The following RPL35A variants were observed in gnomAD, a reference collection of about 807,000 sequenced individuals.
RPL35A encodes large ribosomal subunit protein eL33.
In RPL35A, 1 loss-of-function variant was observed where a neutral mutation model predicts 16.7. The ratio of observed to expected loss-of-function variants is 0.06; its 90% CI spans 0.02 to 0.28. The LOEUF (loss-of-function observed/expected upper bound fraction) is 0.28. Ranked by LOEUF, RPL35A falls within the 10% of genes least tolerant of loss-of-function variation. RPL35A has a pLI of 1.00. For missense variants in RPL35A, 91 were observed against 138.7 expected, an observed-to-expected ratio of 0.66 and a Z score of 1.73; for synonymous variants, 58 against 47.0, an observed-to-expected ratio of 1.23 and a Z score of -0.96.
intron 4 of RPL35A, chr3:197,954,437 A>T (rs916724214): frequency 2.0e-5 from 9 of 445,006 alleles, no homozygotes; most frequent in Admixed American, 7.0e-5. Flanking sequence ...GGGTTCAAGC[A>T]ATCCTTCCAC....
In RPL35A at chr3:197,950,941, C is replaced by T. The variant is rs753053843; in HGVS notation, c.-27C>T. The T allele has an allele frequency of 5.6e-6, 9 of 1,613,892 alleles. No homozygotes were observed. Among genetic ancestry groups the T allele is most frequent in the African/African-American group, 4.0e-5 (3 of 74,908 alleles). On this transcript the variant is annotated 5_prime_UTR_variant, in exon 2 of 5. Coordinates refer to ENST00000647248, the MANE Select transcript of RPL35A (RefSeq NM_000996.4). ...ATCTTTTTGTTTGTTTTAAGGCCTG[C>T]TGGGAACGGGACTTCTAAAAGGAAC...
chr3:197,954,462 T>C (rs1470360972), intron 4 of RPL35A: 1 of 411,570 alleles, frequency 2.4e-6, no homozygotes, highest in Admixed American at 3.7e-5. Flanking sequence ...GCCCCCCAAG[T>C]AGCTGGGACC....
chr3:197,952,121 A>G (rs1270503455), intron 3 of RPL35A, among the ~76,000 whole-genome samples: 1 of 146,676 alleles, frequency 6.8e-6, no homozygotes, highest in African/African-American at 2.5e-5. Context: ...TTTTTAGAAC[A>G]CTTGTGCTTA....
intron 4 of RPL35A, among the ~76,000 whole-genome samples, chr3:197,955,481 C>G (rs1009727435): frequency 2.6e-5 from 4 of 152,054 alleles, no homozygotes; most frequent in African/African-American, 9.7e-5. Flanking sequence ...CCAGGATGGT[C>G]TCTATCTCTT....
intron 3 of RPL35A, 169 bp from the exon 4 acceptor site, chr3:197,953,834 A>T: frequency 1.4e-6 from 1 of 694,342 alleles, no homozygotes; most frequent in South Asian, 1.7e-5. Context: ...CCTGGCATAC[A>T]ATAGTTACTC....
intron 4 of RPL35A, chr3:197,954,387 G>A: frequency 1.8e-6 from 1 of 555,460 alleles, no homozygotes. Flanking sequence ...AGGCTGGGGT[G>A]CAGTGGCATA....
At chr3:197,955,709 A>T (rs934787448) in intron 4 of RPL35A, 41 bp from the exon 5 acceptor site, 10 of 1,528,072 alleles carry the variant, frequency 6.5e-6, no homozygotes, top group Non-Finnish European at 9.1e-6. Context: ...AGACGTATAT[A>T]TAACATTCAC....
intron 3 of RPL35A, chr3:197,953,564 G>A (rs985425719): frequency 2.2e-6 from 1 of 457,356 alleles, no homozygotes; most frequent in African/African-American, 2.0e-5. Context: ...GCCTGCGCTA[G>A]TCATCCCGTG....
chr3:197,954,550 C>T (rs766833239), intron 4 of RPL35A: 11 of 319,866 alleles, frequency 3.4e-5, no homozygotes, highest in African/African-American at 8.7e-5. Flanking sequence ...CACTTTGTCA[C>T]GCAGGCTGGA....
At chr3:197,950,703 T>C in intron 1 of RPL35A, 2 of 567,954 alleles carry the variant, frequency 3.5e-6, no homozygotes, top group Non-Finnish European at 6.2e-6. Flanking sequence ...TTGTGACTCC[T>C]GTCCCTTAGT....
intron 4 of RPL35A, among the ~76,000 whole-genome samples, chr3:197,954,983 C>T (rs1720416729): frequency 2.0e-5 from 3 of 152,292 alleles, no homozygotes; most frequent in Admixed American, 2.0e-4. Context: ...AACAGACTCT[C>T]ATGTTCCTAG....
chr3:197,952,426 C>T (rs369910515), intron 3 of RPL35A: 9 of 152,144 alleles, frequency 5.9e-5, no homozygotes, highest in Admixed American at 2.6e-4. Context: ...CCTCAGCCTC[C>T]CAAAGTGCTG....
Position 197,956,352 on chromosome 3 carries a change from A to T in RPL35A, c.*579A>T, listed in dbSNP as rs1016599615. On this transcript the variant is annotated 3_prime_UTR_variant, in exon 5 of 5. Transcript: ENST00000647248. ...GGGCTTTGGCAGTTCATTTGGATAG[A>T]CTGGGATGAGAAGCTCTTGGGACTT... 1.3e-5 allele frequency: 2 copies of T among 156,376 alleles called. No individual in the cohort carries two copies. The highest frequency in any genetic ancestry group is 4.8e-5 in the African/African-American group (2 of 41,454). 9.7% of individuals were successfully genotyped at this position (156,376 alleles called of 1,614,324 possible).
At chr3:197,954,882 T>C (rs1162991269) in intron 4 of RPL35A, among the ~76,000 whole-genome samples, 1 of 152,190 alleles carries the variant, frequency 6.6e-6, no homozygotes, top group Non-Finnish European at 1.5e-5. Flanking sequence ...ATTCAACAGT[T>C]ACGCCTGGCA....
chr3:197,954,184 AT>A (rs1720349733), intron 4 of RPL35A, 37 bp downstream of exon 4: 4 of 1,611,160 alleles, frequency 2.5e-6, no homozygotes, highest in Non-Finnish European at 3.4e-6. Context: ...CGTCTGATGA[AT>A]CAGACTAGGT....
chr3:197,955,882 G>A lies in RPL35A; in HGVS notation c.*109G>A. 1 of 963,580 alleles carries A rather than the reference G, an allele frequency of 1.0e-6. No homozygotes were observed. Among genetic ancestry groups the A allele is most frequent in the Non-Finnish European group, 1.7e-6 (1 of 599,432 alleles). 59.7% of individuals were successfully genotyped at this position (963,580 alleles called of 1,614,324 possible). A position where few individuals can be genotyped will look rare whatever the true frequency, so the allele number is the denominator to read the frequency against. On this transcript the variant is annotated 3_prime_UTR_variant, in exon 5 of 5. Coordinates refer to ENST00000647248, the MANE Select transcript of RPL35A (RefSeq NM_000996.4). ...TTGCTACATGCTTAAAATGATAGAGGTTGCTCAGCATTTTTGGAGTACAAG... is the reference window on the plus strand; with the variant it reads ...TTGCTACATGCTTAAAATGATAGAGATTGCTCAGCATTTTTGGAGTACAAG...
rs775694539 is a variant in RPL35A at position 197,954,116 on chromosome 3, C to T, written c.278C>T (p.Pro93Leu). The change falls in exon 4 of 5, where the codon CCT becomes CTT. Residue 93 changes from proline to leucine, a missense_variant. Transcript: ENST00000647248. ...MVRAKFRSNLPAKAIGHRIRV... is the reference protein window; with the variant it reads ...MVRAKFRSNLLAKAIGHRIRV... ...CGTGCCAAATTCCGAAGCAATCTTC[C>T]TGCTAAGGCCATTGGACACAGAATC... 17 of 1,614,162 alleles carry T rather than the reference C, an allele frequency of 1.1e-5. No individual in the cohort carries two copies. The highest frequency in any genetic ancestry group is 1.4e-5 in the Non-Finnish European group (16 of 1,180,038).
chr3:197,956,069 C>T lies in RPL35A; in HGVS notation c.*296C>T, dbSNP rs541919264. 20 of 389,102 alleles carry T rather than the reference C, an allele frequency of 5.1e-5. No individual in the cohort carries two copies. The Middle Eastern group carries it at 2.5e-3, about 48-fold the overall frequency. The allele number at this position is 389,102 out of a possible 1,614,324, so 24.1% of individuals were successfully genotyped here. ...CACATTCAAAGGCTCAAGCAATCCT[C>T]CCTTGGCCTTTGAAGTAGCTGGGAC... On this transcript the variant is annotated 3_prime_UTR_variant, in exon 5 of 5. Transcript: ENST00000647248.
intron 3 of RPL35A, among the ~76,000 whole-genome samples, chr3:197,951,834 C>T (rs1326299058): frequency 6.8e-6 from 1 of 146,916 alleles, no homozygotes; most frequent in African/African-American, 2.5e-5. Context: ...AGTAGCTGGG[C>T]TTACAGGGGT....
Sources: allele counts gnomAD v4.1 joint callset (sites outside exome capture counted in the v4.1 genomes callset), GRCh38; gene constraint gnomAD v4.1.1; transcripts MANE v1.5; gene names NCBI Gene and HGNC (gene_info 2026-07-23, HGNC 2026-07-21).